SMOX: variants seen among roughly 807,000 people sequenced by gnomAD.
The protein encoded by SMOX is flavin containing amine oxidase.
Under a neutral mutation model 51.0 loss-of-function variants are expected in SMOX, and 22 were observed. That is an observed-to-expected ratio of 0.43 (90% CI 0.31 to 0.62). SMOX has a LOEUF of 0.62. Among genes scored for constraint, SMOX ranks in the 20% least tolerant of loss-of-function variants. The probability of loss-of-function intolerance (pLI) is 0.10; values close to 1 mark genes in which losing one functional copy is unlikely to be tolerated. For synonymous variants in SMOX, 282 were observed against 307.8 expected (o/e 0.92, Z 0.88); for missense variants, 566 against 777.7 (o/e 0.73, Z 3.24).
In SMOX at chr20:4,166,090, T is replaced by C. The variant is rs1986557882; in HGVS notation, c.-26-8940T>C. On this transcript the variant is annotated intron_variant, in intron 1 of 6. Transcript: ENST00000305958. This position sits in a 1 kb window ranked among gnomAD's most constrained non-coding sequence, Gnocchi z 4.2. ...AGTTCACAGGAGGTGTTCAGAGCAA[T>C]TGTGCCTAGCGCCTGATCTAATCTG... 6.7e-6 allele frequency among the ~76,000 whole-genome samples: 1 copy of C among 149,612 alleles called. No homozygotes were observed. The highest frequency in any genetic ancestry group is 1.5e-5 in the Non-Finnish European group (1 of 67,056).
intron 1 of SMOX, among the ~76,000 whole-genome samples, chr20:4,156,567 C>T (rs1320899961): frequency 6.6e-6 from 1 of 152,152 alleles, no homozygotes; most frequent in Non-Finnish European, 1.5e-5. Context: ...TGTGCCCATC[C>T]CACCTCTACC....
chr20:4,158,998 C>G lies in SMOX; in HGVS notation c.-27+10021C>G, dbSNP rs8116329. 5.9e-3 allele frequency among the ~76,000 whole-genome samples: 818 copies of G among 138,912 alleles called. 8 individuals carry two copies. The highest frequency in any genetic ancestry group is 0.021 in the African/African-American group (759 of 36,404). The allele number at this position is 138,912 out of a possible 152,430, so 91.1% of individuals were successfully genotyped here. On this transcript the variant is annotated intron_variant, in intron 1 of 6. Transcript: ENST00000305958. ...GTTAAACACACAGGGACCTTTTACT[C>G]TCTCTTATTTTGGAAAATTAAAAAA...
Position 4,153,872 on chromosome 20 carries a change from TC to T in SMOX, c.-27+4897del, listed in dbSNP as rs1307276149. ...GGGCAGGCTAGAGCTGAGGTGGACTTCCTGACAAGTAGACACTGGGCCTTGT... is the reference window on the plus strand; with the variant it reads ...GGGCAGGCTAGAGCTGAGGTGGACTTCTGACAAGTAGACACTGGGCCTTGT... On this transcript the variant is annotated intron_variant, in intron 1 of 6. Transcript: ENST00000305958. This position sits in a 1 kb window ranked among gnomAD's most constrained non-coding sequence, Gnocchi z 4.4. Among the ~76,000 whole-genome samples, 2 of 152,156 alleles carry T rather than the reference TC, an allele frequency of 1.3e-5. No individual in the cohort carries two copies. The highest frequency in any genetic ancestry group is 2.9e-5 in the Non-Finnish European group (2 of 68,008).
In SMOX at chr20:4,172,566, A is replaced by T. The variant is rs1479256435; in HGVS notation, c.-26-2464A>T. Among the ~76,000 whole-genome samples, 1 of 151,540 alleles carries T rather than the reference A, an allele frequency of 6.6e-6. No homozygotes were observed. Among genetic ancestry groups the T allele is most frequent in the Non-Finnish European group, 1.5e-5 (1 of 67,854 alleles). ...CGGGAGTCAGAGGACAGAGGCGGGG[A>T]GGAGGAAAGGGCCGGAGCCGCCCTG... On this transcript the variant is annotated intron_variant, in intron 1 of 6. Transcript: ENST00000305958. This position sits in a 1 kb window ranked among gnomAD's most constrained non-coding sequence, Gnocchi z 7.7.
chr20:4,173,690 C>T (rs954558548), intron 1 of SMOX, among the ~76,000 whole-genome samples: 2 of 152,212 alleles, frequency 1.3e-5, no homozygotes, highest in African/African-American at 4.8e-5. Flanking sequence ...ACCTTCCGCC[C>T]ACATTTGTTC....
chr20:4,178,063 A>T (rs1292005086), intron 3 of SMOX, among the ~76,000 whole-genome samples: 4 of 152,310 alleles, frequency 2.6e-5, no homozygotes, highest in South Asian at 4.1e-4. Flanking sequence ...TGTTTTTGAG[A>T]TGGAGTCTCG....
In SMOX at chr20:4,182,420, T is replaced by C; in HGVS notation, c.941T>C (p.Val314Ala). The change falls in exon 5 of 7, where the codon GTG becomes GCG. Residue 314 changes from valine (V) to alanine (A), a missense_variant. Physicochemically the swap from Val to Ala is moderately conservative, Grantham distance 64. Around this residue, in one of 3 missense-constraint regions of SMOX, gnomAD observed 347 missense variants for 481.8 expected, o/e 0.72. Coordinates refer to ENST00000305958, the MANE Select transcript of SMOX (RefSeq NM_175839.3). This position sits in a 1 kb window ranked among gnomAD's most constrained non-coding sequence, Gnocchi z 8.4. ...RWDEDEQWSV[V>A]VECEDCELIP... ...GATGAGGATGAGCAGTGGTCGGTGG[T>C]GGTGGAGTGCGAGGACTGTGAGCTG... The C allele has an allele frequency of 6.2e-7, 1 of 1,600,978 alleles. No individual in the cohort carries two copies. The highest frequency in any genetic ancestry group is 8.5e-7 in the Non-Finnish European group (1 of 1,172,638).
rs1986622702 is a variant in SMOX, at chr20:4,167,647, G to C, written c.-26-7383G>C. Among the ~76,000 whole-genome samples the C allele has an allele frequency of 6.6e-6, 1 of 152,148 alleles. No homozygotes were observed. The highest frequency in any genetic ancestry group is 6.5e-5 in the Admixed American group (1 of 15,288). On this transcript the variant is annotated intron_variant, in intron 1 of 6. Transcript: ENST00000305958. This position sits in a 1 kb window ranked among gnomAD's most constrained non-coding sequence, Gnocchi z 4.8. ...GGCCCAGGGGTCACCTGGCAAGGTA[G>C]AGATTGAGCTGGGGCCTGATTCCCA... is the stretch of plus-strand genomic sequence containing the variant.
At chr20:4,151,109 G>C (rs918309046) in intron 1 of SMOX, among the ~76,000 whole-genome samples, 4 of 152,108 alleles carry the variant, frequency 2.6e-5, no homozygotes, top group African/African-American at 9.7e-5. Flanking sequence ...TGGGATTACA[G>C]GCGTGAACCA....
chr20:4,179,097 A>T (rs1979124903), intron 3 of SMOX, among the ~76,000 whole-genome samples: 1 of 152,184 alleles, frequency 6.6e-6, no homozygotes, highest in Admixed American at 6.5e-5. Context: ...TGCACCAACA[A>T]GGTACGTTGT....
chr20:4,157,418 GAAGA>G (rs1249192670), intron 1 of SMOX, among the ~76,000 whole-genome samples: 4 of 152,196 alleles, frequency 2.6e-5, no homozygotes, highest in African/African-American at 4.8e-5. Flanking sequence ...CTGCAGAGGA[GAAGA>G]AAGAGGGTGT....
Position 4,155,267 on chromosome 20 carries a change from T to C in SMOX, c.-27+6290T>C, listed in dbSNP as rs1050688414. 3.3e-5 allele frequency among the ~76,000 whole-genome samples: 5 copies of C among 152,254 alleles called. No homozygotes were observed. The South Asian group carries it at 6.2e-4, about 19-fold the overall frequency. On this transcript the variant is annotated intron_variant, in intron 1 of 6. Transcript: ENST00000305958. The stretch of plus-strand genomic sequence containing the variant: ...GGTAGTCTCCCCAGCTGCCGGGCCA[T>C]CACCCCAGCGTGTGCAGTGCCTGTC...
intron 2 of SMOX, among the ~76,000 whole-genome samples, chr20:4,175,592 CT>C (rs1369990949): frequency 6.6e-6 from 1 of 152,164 alleles, no homozygotes; most frequent in African/African-American, 2.4e-5. Context: ...CTGCAAGGTC[CT>C]AGTAGTTGTT....
chr20:4,155,404 G>GT (rs1568729527), intron 1 of SMOX, among the ~76,000 whole-genome samples: 1 of 141,246 alleles, frequency 7.1e-6, no homozygotes, highest in African/African-American at 2.5e-5. Flanking sequence ...CCTCTGCGGC[G>GT]TACGTGGGAG....
rs1979430753 is a variant in SMOX at position 4,182,676 on chromosome 20, C to T, written c.1197C>T (p.Tyr399=). Residue 399 remains tyrosine (Y), a synonymous_variant, in exon 5 of 7, where the codon TAC becomes TAT. Transcript: ENST00000305958. This position sits in a 1 kb window ranked among gnomAD's most constrained non-coding sequence, Gnocchi z 8.4. ...EDEAESHTLT[Y]PPELWYRKIC... ...AAGCAGAGAGCCACACCCTCACCTA[C>T]CCACCTGAGCTCTGGTACCGCAAGA... The T allele has an allele frequency of 6.2e-6, 10 of 1,614,034 alleles. No homozygotes were observed. The highest frequency in any genetic ancestry group is 1.3e-5 in the African/African-American group (1 of 74,938).
At chr20:4,186,034 G>A (rs1979705136) in intron 6 of SMOX, among the ~76,000 whole-genome samples, 1 of 152,158 alleles carries the variant, frequency 6.6e-6, no homozygotes, top group Admixed American at 6.5e-5. Flanking sequence ...AGGGATGCAG[G>A]CTCCTGCCCA....
intron 1 of SMOX, among the ~76,000 whole-genome samples, chr20:4,173,762 C>T (rs768773312): frequency 6.6e-6 from 1 of 152,246 alleles, no homozygotes; most frequent in Non-Finnish European, 1.5e-5. Flanking sequence ...CCAGCAAAGA[C>T]AACTGGAATC....
At chr20:4,169,752 G>A (rs758689592) in intron 1 of SMOX, among the ~76,000 whole-genome samples, 5 of 152,184 alleles carry the variant, frequency 3.3e-5, no homozygotes, top group Non-Finnish European at 7.3e-5. Context: ...CAGTAACGGA[G>A]CAGGCCTTGC....
At chr20:4,165,402 G>A (rs1049963840) in intron 1 of SMOX, among the ~76,000 whole-genome samples, 1 of 152,134 alleles carries the variant, frequency 6.6e-6, no homozygotes, top group Non-Finnish European at 1.5e-5. Context: ...GTCTTGCTAT[G>A]TTGCCCAGGC....
Sources: gnomAD v4.1 joint callset for allele counts (sites outside exome capture counted in the v4.1 genomes callset) on GRCh38, gnomAD v4.1.1 for gene constraint, gnomAD v4.1.1 regional missense constraint, Gnocchi (gnomAD v3.1) non-coding constraint, MANE v1.5 for transcripts, NCBI Gene and HGNC (gene_info 2026-07-23, HGNC 2026-07-21) for gene names.